FAM168A: variants seen among roughly 807,000 people sequenced by gnomAD.
FAM168A encodes family with sequence similarity 168 member A.
A neutral mutation model predicts 28.5 loss-of-function variants in FAM168A; 3 were observed. That is an observed-to-expected ratio of 0.11 (90% CI 0.05 to 0.27). The LOEUF is 0.27. FAM168A is among the 10% of genes least tolerant of loss of function. FAM168A has a pLI of 1.00. For synonymous variants in FAM168A, 122 were observed against 124.2 expected (o/e 0.98, Z 0.12); for missense variants, 222 against 311.5 (o/e 0.71, Z 2.16).
intron 4 of FAM168A, chr11:73,412,253 T>C (rs1333799807): frequency 6.6e-6 from 1 of 152,282 alleles, no homozygotes. Context: ...CAGAGTTGGC[T>C]CCTCCTTCTC....
chr11:73,594,164 C>T (rs1440409982), intron 1 of FAM168A, among the ~76,000 whole-genome samples: 2 of 152,104 alleles, frequency 1.3e-5, no homozygotes, highest in Non-Finnish European at 2.9e-5. Context: ...CAGGGAAGCA[C>T]GATCATGGCT....
At chr11:73,579,462 A>G (rs939938945) in intron 1 of FAM168A, among the ~76,000 whole-genome samples, 7 of 152,348 alleles carry the variant, frequency 4.6e-5, no homozygotes, top group Admixed American at 6.5e-5. Flanking sequence ...TGAAGGTCAC[A>G]CTGCAAGGAA....
intron 1 of FAM168A, among the ~76,000 whole-genome samples, chr11:73,545,376 A>G (rs1453645499): frequency 6.6e-6 from 1 of 151,940 alleles, no homozygotes; most frequent in Non-Finnish European, 1.5e-5. Flanking sequence ...TAAAGGCCAC[A>G]TATTATATTA....
chr11:73,583,474 G>A (rs571656236), intron 1 of FAM168A, among the ~76,000 whole-genome samples: 1 of 152,306 alleles, frequency 6.6e-6, no homozygotes, highest in Non-Finnish European at 1.5e-5. Context: ...GAGAATAAAA[G>A]GATGATCAGA....
chr11:73,513,205 A>ATTTTTTTTTTTTTTTTTTTT (rs1046600591), intron 1 of FAM168A, among the ~76,000 whole-genome samples: 5 of 109,376 alleles, frequency 4.6e-5, no homozygotes, highest in Non-Finnish European at 9.2e-5. Context: ...TTTTTTTTTA[A>ATTTTTTTTTTTTTTTTTTTT]TTTTTTTTTT....
chr11:73,504,297 C>T (rs1005483410), intron 1 of FAM168A, among the ~76,000 whole-genome samples: 3 of 152,036 alleles, frequency 2.0e-5, no homozygotes, highest in Non-Finnish European at 4.4e-5. Context: ...GGAACTTAAA[C>T]GTATTTACAA....
chr11:73,412,723 A>T (rs1458838573), intron 4 of FAM168A, among the ~76,000 whole-genome samples: 1 of 152,210 alleles, frequency 6.6e-6, no homozygotes, highest in Non-Finnish European at 1.5e-5. Flanking sequence ...TAGGCTTTGA[A>T]GCCCTGCTGG....
rs947145255 is a variant in FAM168A at position 73,405,576 on chromosome 11, T to C, written c.*1187A>G. On this transcript the variant is annotated 3_prime_UTR_variant, in exon 8 of 8. Transcript: ENST00000356467. ...CCAAATAGGGAAATGGATGAGATGATTGCTAAGGTCCCTTCAGTTCCATGA... is the reference window on the plus strand; with the variant it reads ...CCAAATAGGGAAATGGATGAGATGACTGCTAAGGTCCCTTCAGTTCCATGA... 1.3e-5 allele frequency: 2 copies of C among 152,248 alleles called. No individual in the cohort carries two copies. The highest frequency in any genetic ancestry group is 4.8e-5 in the African/African-American group (2 of 41,438). The allele number at this position is 152,248 out of a possible 1,614,324, so 9.4% of individuals were successfully genotyped here. A position where few individuals can be genotyped will look rare whatever the true frequency, so the allele number is the denominator to read the frequency against.
At chr11:73,476,595 A>G (rs1488405723) in intron 1 of FAM168A, among the ~76,000 whole-genome samples, 1 of 152,180 alleles carries the variant, frequency 6.6e-6, no homozygotes, top group East Asian at 1.9e-4. Flanking sequence ...TGGGGGAAAA[A>G]CAGGTAACAA....
At chr11:73,467,092 T>C (rs1420103625) in intron 2 of FAM168A, among the ~76,000 whole-genome samples, 1 of 152,218 alleles carries the variant, frequency 6.6e-6, no homozygotes, top group Non-Finnish European at 1.5e-5. Context: ...TCTGAATTTA[T>C]ACTACTTATG....
At chr11:73,490,239 C>T (rs1235236936) in intron 1 of FAM168A, among the ~76,000 whole-genome samples, 2 of 152,152 alleles carry the variant, frequency 1.3e-5, no homozygotes, top group African/African-American at 4.8e-5. Context: ...TCTCACTACC[C>T]TCACTTCTAC....
intron 1 of FAM168A, among the ~76,000 whole-genome samples, chr11:73,548,958 T>C (rs1047905581): frequency 5.9e-5 from 9 of 152,044 alleles, no homozygotes; most frequent in African/African-American, 1.2e-4. Context: ...CTCTTTTTTT[T>C]TGAGACGGAG....
At chr11:73,525,880 A>C (rs992397205) in intron 1 of FAM168A, among the ~76,000 whole-genome samples, 1 of 152,206 alleles carries the variant, frequency 6.6e-6, no homozygotes, top group South Asian at 2.1e-4. Context: ...TACATGTTCA[A>C]ATTACCTTAT....
chr11:73,584,568 G>T (rs1341331402), intron 1 of FAM168A, among the ~76,000 whole-genome samples: 2 of 151,260 alleles, frequency 1.3e-5, no homozygotes, highest in African/African-American at 4.9e-5. Flanking sequence ...TCGCCTCCCG[G>T]GTTCACGCCA....
intron 1 of FAM168A, among the ~76,000 whole-genome samples, chr11:73,572,556 C>T (rs1590741182): frequency 6.6e-6 from 1 of 150,564 alleles, no homozygotes; most frequent in African/African-American, 2.5e-5. Context: ...CCTTGGGATC[C>T]TGTTGATCTA....
At chr11:73,543,719 A>T (rs955453383) in intron 1 of FAM168A, among the ~76,000 whole-genome samples, 16 of 152,188 alleles carry the variant, frequency 1.1e-4, no homozygotes, top group African/African-American at 3.9e-4. Flanking sequence ...AATAAGATTA[A>T]GCTATATTTA....
intron 1 of FAM168A, among the ~76,000 whole-genome samples, chr11:73,531,026 G>GGAAC (rs1321853662): frequency 6.6e-6 from 1 of 152,152 alleles, no homozygotes; most frequent in Non-Finnish European, 1.5e-5. Flanking sequence ...TCCCATCAGG[G>GGAAC]GAACCTACTA....
intron 3 of FAM168A, among the ~76,000 whole-genome samples, chr11:73,425,460 T>A (rs115563074): frequency 0.014 from 2,113 of 152,358 alleles, 33 homozygotes; most frequent in African/African-American, 0.041. Flanking sequence ...AAGAGCTGTC[T>A]GTAAAACCTC....
intron 1 of FAM168A, among the ~76,000 whole-genome samples, chr11:73,558,721 T>C (rs1011124438): frequency 1.4e-4 from 22 of 151,926 alleles, no homozygotes; most frequent in Non-Finnish European, 2.9e-4. Context: ...ATTAGAGAAA[T>C]ACAAGTCAAA....
Sources: gnomAD v4.1 joint callset for allele counts (sites outside exome capture counted in the v4.1 genomes callset) on GRCh38, gnomAD v4.1.1 for gene constraint, MANE v1.5 for transcripts, NCBI Gene and HGNC (gene_info 2026-07-23, HGNC 2026-07-21) for gene names.